Variants in PPP4R3A observed in about 807,000 individuals in gnomAD.
PPP4R3A encodes the protein protein phosphatase 4 regulatory subunit 3A, also known as serine/threonine-protein phosphatase 4 regulatory subunit 3A.
In PPP4R3A, 15 loss-of-function variants were observed where a neutral mutation model predicts 91.7. The ratio of observed to expected loss-of-function variants is 0.16; its 90% CI spans 0.11 to 0.25. PPP4R3A has a LOEUF of 0.25. Among genes scored for constraint, PPP4R3A ranks in the 10% least tolerant of loss-of-function variants. The pLI, the probability that PPP4R3A is intolerant of heterozygous loss-of-function variation, is 1.00. For synonymous variants in PPP4R3A, 377 were observed against 348.7 expected (o/e 1.08, Z -0.91); for missense variants, 623 against 998.4 (o/e 0.62, Z 5.07).
chr14:91,479,393 G>A (rs1889411874), intron 4 of PPP4R3A, among the ~76,000 whole-genome samples: 1 of 148,176 alleles, frequency 6.7e-6, no homozygotes, highest in South Asian at 2.2e-4. Flanking sequence ...GTTGAGATAG[G>A]GTCTCACTCT....
rs370627253 is a variant in PPP4R3A at position 91,498,361 on chromosome 14, C to CT, written c.143-7560_143-7559insA. Among the ~76,000 whole-genome samples the CT allele has an allele frequency of 5.1e-4, 78 of 152,022 alleles. 1 individual carries two copies. The highest frequency in any genetic ancestry group is 1.8e-3 in the African/African-American group (75 of 41,514). On this transcript the variant is annotated intron_variant, in intron 1 of 14. Coordinates refer to ENST00000554943, the MANE Select transcript of PPP4R3A (RefSeq NM_001366432.2). ...GAAAAAAAAAAAAAGACACTCTTCT[C>CT]ATTAAACTCTTATTTTAGAAAAGTT...
At chr14:91,472,824 A>AACAAC (rs1555434924) in intron 9 of PPP4R3A, among the ~76,000 whole-genome samples, 1 of 150,402 alleles carries the variant, frequency 6.6e-6, no homozygotes, top group Non-Finnish European at 1.5e-5. Context: ...TTTGATAAAA[A>AACAAC]CAACCAACCA....
At chr14:91,502,056 T>C (rs375835735) in intron 1 of PPP4R3A, among the ~76,000 whole-genome samples, 1 of 151,880 alleles carries the variant, frequency 6.6e-6, no homozygotes, top group East Asian at 1.9e-4. Flanking sequence ...GTAACAGGTA[T>C]GTGCTCCAAG....
intron 1 of PPP4R3A, among the ~76,000 whole-genome samples, chr14:91,503,189 T>C (rs1257410740): frequency 2.6e-5 from 4 of 152,164 alleles, no homozygotes; most frequent in African/African-American, 9.7e-5. Context: ...GGTCTTGCTA[T>C]GTTGCCCAGG....
At chr14:91,498,567 C>T (rs901273719) in intron 1 of PPP4R3A, among the ~76,000 whole-genome samples, 1 of 152,084 alleles carries the variant, frequency 6.6e-6, no homozygotes, top group African/African-American at 2.4e-5. Context: ...TGGTGGCACG[C>T]GCCAATGACC....
chr14:91,494,087 A>C (rs551769860), intron 1 of PPP4R3A, among the ~76,000 whole-genome samples: 7 of 152,230 alleles, frequency 4.6e-5, no homozygotes, highest in Non-Finnish European at 1.0e-4. Flanking sequence ...CCCCGTCTCT[A>C]CTAAAGACAC....
In PPP4R3A at chr14:91,481,992, C is replaced by T. The variant is rs1243118522; in HGVS notation, c.499G>A (p.Glu167Lys). The change falls in exon 4 of 15, where the codon GAG becomes AAG. Residue 167 changes from glutamate (E) to lysine (K), a missense_variant. This residue lies in a region of PPP4R3A where 264 missense variants were observed against 377.3 expected (regional missense o/e 0.70). Transcript: ENST00000554943. Reference sequence around the variant, plus strand: ...TCCAGGAGCTTTTTAATATAACCCTCATTTTCTAGTGCCAGTGCAAGTTTT... The same window carrying T: ...TCCAGGAGCTTTTTAATATAACCCTTATTTTCTAGTGCCAGTGCAAGTTTT... ...REKLALALEN[E>K]GYIKKLLELF... 6.8e-6 allele frequency: 11 copies of T among 1,613,958 alleles called. No individual in the cohort carries two copies. The highest frequency in any genetic ancestry group is 8.5e-7 in the Non-Finnish European group (1 of 1,180,040).
chr14:91,461,654 T>A lies in PPP4R3A; in HGVS notation c.2165-47A>T, dbSNP rs562486262. On this transcript the variant is annotated intron_variant, in intron 13 of 14. Coordinates refer to ENST00000554943, the MANE Select transcript of PPP4R3A (RefSeq NM_001366432.2). ...ATAGTCGTCCCCCATACTTCTTTTT[T>A]AAATTTCCCCAAATGAGGTAACACT... The A allele has an allele frequency of 1.0e-4, 158 of 1,566,668 alleles. 1 individual carries two copies. The East Asian group carries it at 2.0e-3, about 20-fold the overall frequency.
At chr14:91,472,434 G>GA (rs1888904657) in intron 9 of PPP4R3A, among the ~76,000 whole-genome samples, 1 of 148,152 alleles carries the variant, frequency 6.7e-6, no homozygotes, top group Non-Finnish European at 1.5e-5. Flanking sequence ...TCTGTTATCT[G>GA]ATTACAGTAC....
At chr14:91,508,599 A>C (rs1435221905) in intron 1 of PPP4R3A, among the ~76,000 whole-genome samples, 1 of 152,238 alleles carries the variant, frequency 6.6e-6, no homozygotes, top group East Asian at 1.9e-4. Context: ...ATCGCCAAAA[A>C]CAGTGGCAAT....
chr14:91,478,513 C>G (rs1889345859), intron 4 of PPP4R3A, among the ~76,000 whole-genome samples: 1 of 152,196 alleles, frequency 6.6e-6, no homozygotes, highest in African/African-American at 2.4e-5. Context: ...AAGTGTCCAG[C>G]ATCAAGAGAA....
At chr14:91,461,645 CT>C in intron 13 of PPP4R3A, 38 bp from the exon 14 acceptor site, 1 of 1,581,742 alleles carries the variant, frequency 6.3e-7, no homozygotes, top group Non-Finnish European at 8.6e-7. Context: ...GTCCCCCATA[CT>C]TCTTTTTTAA....
chr14:91,469,532 AAAAG>A (rs2140085184), intron 10 of PPP4R3A, among the ~76,000 whole-genome samples: 1 of 152,364 alleles, frequency 6.6e-6, no homozygotes, highest in South Asian at 2.1e-4. Flanking sequence ...AATGAATTTT[AAAAG>A]AAAGCAATGT....
chr14:91,488,437 C>T (rs1158088629), intron 2 of PPP4R3A, among the ~76,000 whole-genome samples: 1 of 152,128 alleles, frequency 6.6e-6, no homozygotes, highest in Non-Finnish European at 1.5e-5. Context: ...TAAAGGACTT[C>T]CATATATCAC....
At chr14:91,470,470 C>T (rs1888767665) in intron 10 of PPP4R3A, among the ~76,000 whole-genome samples, 1 of 152,106 alleles carries the variant, frequency 6.6e-6, no homozygotes, top group Non-Finnish European at 1.5e-5. Flanking sequence ...CTTCTCAGGC[C>T]ACCTTTTAAA....
chr14:91,470,142 A>G (rs190095644), intron 10 of PPP4R3A, among the ~76,000 whole-genome samples: 5 of 152,280 alleles, frequency 3.3e-5, no homozygotes, highest in Admixed American at 1.3e-4. Flanking sequence ...CCTCTAAGGT[A>G]CCCCTAAATT....
At chr14:91,477,888 A>G (rs999455649) in intron 4 of PPP4R3A, among the ~76,000 whole-genome samples, 6 of 152,228 alleles carry the variant, frequency 3.9e-5, no homozygotes, top group African/African-American at 1.4e-4. Flanking sequence ...GCCTCAAGCA[A>G]TCCACTGGCC....
intron 1 of PPP4R3A, among the ~76,000 whole-genome samples, chr14:91,508,263 T>TG: frequency 6.6e-6 from 1 of 152,352 alleles, no homozygotes; most frequent in Admixed American, 6.5e-5. Flanking sequence ...TTATAACCTG[T>TG]GGGCAATATA....
chr14:91,495,443 T>C (rs906958929), intron 1 of PPP4R3A, among the ~76,000 whole-genome samples: 5 of 151,718 alleles, frequency 3.3e-5, no homozygotes, highest in Admixed American at 1.3e-4. Flanking sequence ...GCCACCTGAG[T>C]AGCTGGGACT....
Sources: allele counts gnomAD v4.1 joint callset (sites outside exome capture counted in the v4.1 genomes callset), GRCh38; gene constraint gnomAD v4.1.1; regional missense constraint gnomAD v4.1.1; transcripts MANE v1.5; gene names NCBI Gene and HGNC (gene_info 2026-07-23, HGNC 2026-07-21).